Variants in SNAP91 observed in about 807,000 individuals in gnomAD.
The protein encoded by SNAP91 is clathrin coat assembly protein AP180.
In SNAP91, 27 loss-of-function variants were observed where a neutral mutation model predicts 100.3. The observed-to-expected ratio is 0.27, with a 90% CI of 0.20 to 0.37. The LOEUF (loss-of-function observed/expected upper bound fraction) is 0.37, where lower values mean the gene tolerates loss of function less well. Ranked by LOEUF, SNAP91 falls within the 10% of genes least tolerant of loss-of-function variation. SNAP91 has a pLI of 1.00. For synonymous variants in SNAP91, 404 were observed against 398.6 expected (o/e 1.01, Z -0.16); for missense variants, 986 against 1,123.7 (o/e 0.88, Z 1.75).
rs1399208602 is a variant in SNAP91, at chr6:83,673,919, A to C, written c.131-8338T>G. ...TATTAATATAATAAACAGGATGGAAACATGTCTCTTCTCCATCAAGAATGT... is the reference window on the plus strand; with the variant it reads ...TATTAATATAATAAACAGGATGGAACCATGTCTCTTCTCCATCAAGAATGT... On this transcript the variant is annotated intron_variant, in intron 2 of 29. Coordinates refer to ENST00000369694, the MANE Select transcript of SNAP91 (RefSeq NM_001242792.2). 2.0e-5 allele frequency among the ~76,000 whole-genome samples: 3 copies of C among 152,234 alleles called. No homozygotes were observed. The East Asian group carries it at 5.8e-4, about 29-fold the overall frequency.
At chr6:83,698,357 A>G (rs2129035687) in intron 2 of SNAP91, among the ~76,000 whole-genome samples, 1 of 151,954 alleles carries the variant, frequency 6.6e-6, no homozygotes, top group South Asian at 2.1e-4. Flanking sequence ...GAAATTGCAG[A>G]AAACCACATG....
chr6:83,562,195 T>TA (rs1788935316), intron 26 of SNAP91, among the ~76,000 whole-genome samples: 1 of 152,162 alleles, frequency 6.6e-6, no homozygotes. Flanking sequence ...ATGCTGGTAT[T>TA]ACCCTGACAC....
At chr6:83,604,622 T>C (rs749076586) in intron 14 of SNAP91, among the ~76,000 whole-genome samples, 12 of 152,298 alleles carry the variant, frequency 7.9e-5, no homozygotes, top group Non-Finnish European at 1.5e-4. Context: ...TAACTTCATT[T>C]GACTTAGTTA....
chr6:83,568,660 A>C (rs1801195271), intron 26 of SNAP91, among the ~76,000 whole-genome samples: 1 of 152,154 alleles, frequency 6.6e-6, no homozygotes, highest in Admixed American at 6.5e-5. Flanking sequence ...GGGTTCTGTG[A>C]TCTGAAAAGT....
At chr6:83,673,116 T>C (rs2098811158) in intron 2 of SNAP91, among the ~76,000 whole-genome samples, 1 of 152,224 alleles carries the variant, frequency 6.6e-6, no homozygotes, top group African/African-American at 2.4e-5. Flanking sequence ...CAAGCTTATA[T>C]ATATATGCAA....
intron 2 of SNAP91, among the ~76,000 whole-genome samples, chr6:83,698,911 T>C (rs960206506): frequency 6.6e-6 from 1 of 152,248 alleles, no homozygotes; most frequent in African/African-American, 2.4e-5. Flanking sequence ...AGGCAGTATA[T>C]AAAGACTATA....
chr6:83,707,262 A>T (rs2099392947), intron 2 of SNAP91, among the ~76,000 whole-genome samples: 2 of 150,136 alleles, frequency 1.3e-5, no homozygotes, highest in African/African-American at 4.9e-5. Context: ...AACATACCTC[A>T]CACACACACA....
At chr6:83,592,744 T>G (rs924428821) in intron 20 of SNAP91, among the ~76,000 whole-genome samples, 11 of 152,228 alleles carry the variant, frequency 7.2e-5, no homozygotes, top group African/African-American at 2.7e-4. Flanking sequence ...GTCAGAGGTT[T>G]CAGTGTGAAA....
chr6:83,561,563 C>T (rs148194329), intron 26 of SNAP91, among the ~76,000 whole-genome samples: 274 of 152,282 alleles, frequency 1.8e-3, no homozygotes, highest in African/African-American at 6.1e-3. Context: ...TAACATTGGG[C>T]TTCCTCTGTA....
chr6:83,649,388 T>A (rs747286888), intron 7 of SNAP91, among the ~76,000 whole-genome samples: 1 of 152,190 alleles, frequency 6.6e-6, no homozygotes, highest in African/African-American at 2.4e-5. Flanking sequence ...CTGAGTGTCC[T>A]CACAACTTTA....
At chr6:83,653,151 CT>C (rs569889329) in intron 7 of SNAP91, among the ~76,000 whole-genome samples, 145 of 152,262 alleles carry the variant, frequency 9.5e-4, no homozygotes, top group African/African-American at 3.4e-3. Context: ...GGAAAATTCT[CT>C]GTCGTTATTA....
Position 83,620,978 on chromosome 6 carries a change from C to A in SNAP91, c.807+2323G>T, listed in dbSNP as rs12111397. ...TCAGCCTCCCAAAGTGCTGGGATTA[C>A]AGGCGTGAGCCACCGCGCCCAGCCT... On this transcript the variant is annotated intron_variant, in intron 9 of 29. Transcript: ENST00000369694. Among the ~76,000 whole-genome samples, 565 of 152,250 alleles carry A rather than the reference C, an allele frequency of 3.7e-3. 8 individuals are homozygous for A. The highest frequency in any genetic ancestry group is 0.013 in the African/African-American group (538 of 41,540).
At chr6:83,623,811 T>A (rs943712356) in intron 8 of SNAP91, among the ~76,000 whole-genome samples, 2 of 152,118 alleles carry the variant, frequency 1.3e-5, no homozygotes, top group African/African-American at 4.8e-5. Context: ...TCTTTATGTA[T>A]ATTCAAGGAA....
At chr6:83,587,821 A>G (rs2093004143) in intron 22 of SNAP91, among the ~76,000 whole-genome samples, 1 of 152,168 alleles carries the variant, frequency 6.6e-6, no homozygotes, top group South Asian at 2.1e-4. Flanking sequence ...GGATAGAATT[A>G]TATTAATATT....
At chr6:83,702,784 G>A (rs1272265174) in intron 2 of SNAP91, among the ~76,000 whole-genome samples, 1 of 151,358 alleles carries the variant, frequency 6.6e-6, no homozygotes, top group African/African-American at 2.4e-5. Flanking sequence ...TTGAAAATGA[G>A]AAAGTAAAAA....
rs1194632703 is a variant in SNAP91 at position 83,665,506 on chromosome 6, T to C, written c.206A>G (p.Asn69Ser). The change falls in exon 3 of 30, where the codon AAC becomes AGC. Residue 69 changes from asparagine to serine, a missense_variant. Around this residue, in one of 4 missense-constraint regions of SNAP91, gnomAD observed 330 missense variants for 447.5 expected, o/e 0.74. Coordinates refer to ENST00000369694, the MANE Select transcript of SNAP91 (RefSeq NM_001242792.2). ...MADTLFERAT[N>S]SSWVVVFKAL... is the part of the protein sequence containing the mutation. ...CTTAAACACAACCACCCAGCTACTG[T>C]TTGTTGCCCGCTCAAAGAGAGTGTC... is the stretch of plus-strand genomic sequence containing the variant. 1 of 1,613,038 alleles carries C rather than the reference T, an allele frequency of 6.2e-7. No individual in the cohort carries two copies.
At chr6:83,594,135 C>T (rs1423888246) in intron 17 of SNAP91, among the ~76,000 whole-genome samples, 1 of 151,860 alleles carries the variant, frequency 6.6e-6, no homozygotes, top group Admixed American at 6.6e-5. Flanking sequence ...GAAAAAAAAA[C>T]ATTAAGACAG....
chr6:83,704,365 C>T (rs2099353636), intron 2 of SNAP91, among the ~76,000 whole-genome samples: 1 of 151,920 alleles, frequency 6.6e-6, no homozygotes, highest in South Asian at 2.1e-4. Flanking sequence ...TTTACATAAT[C>T]CAAAAGTGCC....
At chr6:83,670,996 T>C (rs1322330609) in intron 2 of SNAP91, among the ~76,000 whole-genome samples, 1 of 152,024 alleles carries the variant, frequency 6.6e-6, no homozygotes, top group Non-Finnish European at 1.5e-5. Context: ...TTAGGTCCTT[T>C]GTATTTCCGT....
Sources: gnomAD v4.1 joint callset for allele counts (sites outside exome capture counted in the v4.1 genomes callset) on GRCh38, gnomAD v4.1.1 for gene constraint, gnomAD v4.1.1 regional missense constraint, MANE v1.5 for transcripts, NCBI Gene and HGNC (gene_info 2026-07-23, HGNC 2026-07-21) for gene names.